Variants in TSPAN9 observed in about 807,000 individuals in gnomAD.
TSPAN9 encodes the protein tetraspanin-9.
TSPAN9 carries 16 observed loss-of-function variants against 31.0 expected under a neutral mutation model. The observed-to-expected ratio is 0.52, with a 90% confidence interval of 0.35 to 0.78. TSPAN9 has a LOEUF of 0.78. Ranked by LOEUF, TSPAN9 falls within the 30% of genes least tolerant of loss-of-function variation. TSPAN9 has a pLI of 0.01. For synonymous variants in TSPAN9, 145 were observed against 121.6 expected (o/e 1.19, Z -1.27); for missense variants, 272 against 312.5 (o/e 0.87, Z 0.98).
chr12:3,131,370 C>T (rs533767466), intron 2 of TSPAN9, among the ~76,000 whole-genome samples: 3 of 152,296 alleles, frequency 2.0e-5, no homozygotes, highest in African/African-American at 7.2e-5. Context: ...CTGATGGTGG[C>T]GTACAGCAGC....
intron 2 of TSPAN9, among the ~76,000 whole-genome samples, chr12:3,104,674 A>G (rs2098313424): frequency 6.6e-6 from 1 of 152,132 alleles, no homozygotes; most frequent in African/African-American, 2.4e-5. Flanking sequence ...GTTAGCTACC[A>G]AGTGCTTATC....
chr12:3,237,768 C>T (rs1271874551), intron 3 of TSPAN9, among the ~76,000 whole-genome samples: 8 of 152,186 alleles, frequency 5.3e-5, no homozygotes, highest in African/African-American at 1.9e-4. Context: ...CCTTCCCTTC[C>T]GAAGCCAGAG....
At chr12:3,138,860 C>T (rs552656659) in intron 2 of TSPAN9, among the ~76,000 whole-genome samples, 6 of 152,240 alleles carry the variant, frequency 3.9e-5, no homozygotes, top group East Asian at 1.9e-4. Flanking sequence ...GACTGCTGGC[C>T]GAAGGTTCCA....
rs887521781 is a variant in TSPAN9 at position 3,109,084 on chromosome 12, C to T, written c.-18+25365C>T. 1.2e-4 allele frequency among the ~76,000 whole-genome samples: 19 copies of T among 152,034 alleles called. No individual in the cohort carries two copies. The South Asian group carries it at 1.7e-3, about 13-fold the overall frequency. On this transcript the variant is annotated intron_variant, in intron 2 of 8. Transcript: ENST00000011898. ...CCGAGTAGCTGGGACTACAGGCACT[C>T]GCCACCACGCCCGGCTAATTTTTTG... is the stretch of plus-strand genomic sequence containing the variant.
At chr12:3,188,668 C>G (rs991961880) in intron 2 of TSPAN9, among the ~76,000 whole-genome samples, 13 of 152,174 alleles carry the variant, frequency 8.5e-5, no homozygotes, top group Non-Finnish European at 4.4e-5. Flanking sequence ...CGTGCAGCCA[C>G]CTGGACACAT....
rs936787792 is a variant in TSPAN9 at position 3,192,158 on chromosome 12, G to A, written c.-17-9019G>A. Among the ~76,000 whole-genome samples, 10 of 152,256 alleles carry A rather than the reference G, an allele frequency of 6.6e-5. No homozygotes were observed. Among genetic ancestry groups the A allele is most frequent in the South Asian group, 2.1e-4 (1 of 4,824 alleles). ...AAGGCAGGGATCAGTCATGCCGGCC[G>A]TTTAGGGTTGCTCTAAGGATTTGGA... On this transcript the variant is annotated intron_variant, in intron 2 of 8. Transcript: ENST00000011898. This position sits in a 1 kb window ranked among gnomAD's most constrained non-coding sequence, Gnocchi z 4.6.
intron 3 of TSPAN9, among the ~76,000 whole-genome samples, chr12:3,259,869 G>C (rs1382194735): frequency 6.6e-6 from 1 of 152,234 alleles, no homozygotes; most frequent in Non-Finnish European, 1.5e-5. Context: ...GTGGGGAATG[G>C]GTTTGGAGGA....
At position 3,226,776 on chromosome 12, in the gene TSPAN9, ATATATATATATATATATAT is replaced by A. The variant is rs2098387894; in HGVS notation, c.63+25522_63+25540del. Among the ~76,000 whole-genome samples the A allele has an allele frequency of 1.1e-3, 2 of 1,840 alleles. 1 individual carries two copies. Among genetic ancestry groups the A allele is most frequent in the African/African-American group, 3.4e-3 (2 of 590 alleles). The allele number at this position is 1,840 out of a possible 152,430, so 1.2% of individuals were successfully genotyped here. A position where few individuals can be genotyped will look rare whatever the true frequency, so the allele number is the denominator to read the frequency against. ...TATATATATATATATATATATATAT[ATATATATATATATATATAT>A]TTTTTTTTTTTTTTCCCTCTTCGAA... On this transcript the variant is annotated intron_variant, in intron 3 of 8. Transcript: ENST00000011898.
intron 3 of TSPAN9, among the ~76,000 whole-genome samples, chr12:3,268,252 G>C (rs57362995): frequency 0.016 from 1,467 of 90,108 alleles, 17 homozygotes; most frequent in East Asian, 0.038. Flanking sequence ...CCTGCCCTCT[G>C]TGCATTCCTG....
intron 2 of TSPAN9, among the ~76,000 whole-genome samples, chr12:3,175,354 G>A (rs1163143509): frequency 6.6e-6 from 1 of 152,216 alleles, no homozygotes; most frequent in African/African-American, 2.4e-5. Flanking sequence ...GTGGAGGTCA[G>A]CGCCCGGCAG....
At position 3,148,946 on chromosome 12, in the gene TSPAN9, C is replaced by T. The variant is rs150844644; in HGVS notation, c.-17-52231C>T. 5.5e-3 allele frequency among the ~76,000 whole-genome samples: 834 copies of T among 152,288 alleles called. 10 individuals carry two copies. The highest frequency in any genetic ancestry group is 0.01 in the Non-Finnish European group (681 of 68,024). ...GCCGAGGTAACTTTGGCTCCTGCCT[C>T]TAAGGAGGTCTCCAGTTGCTGAGGG... On this transcript the variant is annotated intron_variant, in intron 2 of 8. Coordinates refer to ENST00000011898, the MANE Select transcript of TSPAN9 (RefSeq NM_006675.5).
At position 3,240,545 on chromosome 12, in the gene TSPAN9, AG is replaced by A. The variant is rs1253598987; in HGVS notation, c.64-37874del. On this transcript the variant is annotated intron_variant, in intron 3 of 8. Coordinates refer to ENST00000011898, the MANE Select transcript of TSPAN9 (RefSeq NM_006675.5). ...GAGCTCACACAGCTGGGCAGTGAGGAGGCCAGGATCTGAATCCGGGTCTCAG... is the reference window on the plus strand; with the variant it reads ...GAGCTCACACAGCTGGGCAGTGAGGAGCCAGGATCTGAATCCGGGTCTCAG... Among the ~76,000 whole-genome samples, 11 of 152,286 alleles carry A rather than the reference AG, an allele frequency of 7.2e-5. No homozygotes were observed. The East Asian group carries it at 2.1e-3, about 29-fold the overall frequency.
chr12:3,079,981 T>C, intron 1 of TSPAN9, among the ~76,000 whole-genome samples: 1 of 151,318 alleles, frequency 6.6e-6, no homozygotes, highest in South Asian at 2.1e-4. Context: ...AGGGTTGTGC[T>C]ATGTTGCCCA....
chr12:3,103,963 G>A (rs965855657), intron 2 of TSPAN9, among the ~76,000 whole-genome samples: 1 of 152,294 alleles, frequency 6.6e-6, no homozygotes, highest in Non-Finnish European at 1.5e-5. Flanking sequence ...AAAGCAGGGC[G>A]GGACGGGAGG....
chr12:3,218,703 C>T (rs190243881), intron 3 of TSPAN9, among the ~76,000 whole-genome samples: 25 of 152,350 alleles, frequency 1.6e-4, no homozygotes, highest in African/African-American at 5.5e-4. Context: ...GGGGGCTGAG[C>T]CCGCTTGGCT....
At chr12:3,121,312 C>A (rs1480050217) in intron 2 of TSPAN9, among the ~76,000 whole-genome samples, 2 of 148,822 alleles carry the variant, frequency 1.3e-5, no homozygotes. Context: ...TTGGGCGCAG[C>A]TGACATACTG....
chr12:3,081,224 A>G (rs2098297645), intron 1 of TSPAN9, among the ~76,000 whole-genome samples: 1 of 152,174 alleles, frequency 6.6e-6, no homozygotes, highest in Non-Finnish European at 1.5e-5. Flanking sequence ...TGCTTGGAAC[A>G]AGAGAGGACA....
chr12:3,110,988 A>G (rs566232568), intron 2 of TSPAN9, among the ~76,000 whole-genome samples: 1 of 152,218 alleles, frequency 6.6e-6, no homozygotes, highest in East Asian at 1.9e-4. Flanking sequence ...AGCTTTTACA[A>G]CCTTCTGCAG....
intron 3 of TSPAN9, among the ~76,000 whole-genome samples, chr12:3,230,385 T>G (rs150336510): frequency 0.01 from 1,535 of 152,184 alleles, 139 homozygotes; most frequent in Admixed American, 0.09. Flanking sequence ...CCCCCTCCCT[T>G]GTGAGCCTGA....
Sources: gnomAD v4.1 joint callset for allele counts (sites outside exome capture counted in the v4.1 genomes callset) on GRCh38, gnomAD v4.1.1 for gene constraint, Gnocchi (gnomAD v3.1) non-coding constraint, MANE v1.5 for transcripts, NCBI Gene and HGNC (gene_info 2026-07-23, HGNC 2026-07-21) for gene names.